Variants in SLC16A6 observed in about 807,000 individuals in gnomAD.
The protein encoded by SLC16A6 is monocarboxylate transporter 7.
Under a neutral mutation model 33.8 loss-of-function variants are expected in SLC16A6, and 15 were observed. That is an observed-to-expected ratio of 0.44 (90% CI 0.30 to 0.68). The LOEUF (loss-of-function observed/expected upper bound fraction) is 0.68. SLC16A6 is among the 30% of genes least tolerant of loss of function. The probability of loss-of-function intolerance (pLI) is 0.10; values close to 1 mark genes in which losing one functional copy is unlikely to be tolerated. For synonymous variants in SLC16A6, 219 were observed against 248.4 expected (o/e 0.88, Z 1.11); for missense variants, 451 against 661.5 (o/e 0.68, Z 3.49).
At chr17:68,274,720 T>C (rs1555750336) in intron 2 of SLC16A6, among the ~76,000 whole-genome samples, 1 of 152,194 alleles carries the variant, frequency 6.6e-6, no homozygotes, top group Non-Finnish European at 1.5e-5. Context: ...ATTTTTTCTC[T>C]ACTCACTACT....
rs1372686704 is a variant in SLC16A6 at position 68,277,756 on chromosome 17, A to C, written c.232+333T>G. Among the ~76,000 whole-genome samples the C allele has an allele frequency of 2.0e-5, 3 of 152,168 alleles. No homozygotes were observed. In the East Asian group the frequency reaches 5.8e-4, roughly 29 times the overall value. On this transcript the variant is annotated intron_variant, in intron 2 of 5. Transcript: ENST00000580666. ...AACTTTTTGATGTTGCTTCTTAGACAGTGACTATATCCTCACATCCTCACA... is the reference window on the plus strand; with the variant it reads ...AACTTTTTGATGTTGCTTCTTAGACCGTGACTATATCCTCACATCCTCACA...
In SLC16A6 at chr17:68,279,037, A is replaced by G. The variant is rs189764297; in HGVS notation, c.-7-710T>C. ...TGGGGCCTCCCAAAAAGAAAGTTAA[A>G]TGGGAAAAACAGACATGAAGAACCA... On this transcript the variant is annotated intron_variant, in intron 1 of 5. Transcript: ENST00000580666. Among the ~76,000 whole-genome samples, 16 of 152,350 alleles carry G rather than the reference A, an allele frequency of 1.1e-4. No homozygotes were observed. In the East Asian group the frequency reaches 3.1e-3, roughly 29 times the overall value.
chr17:68,269,118 T>C lies in SLC16A6; in HGVS notation c.1550A>G (p.His517Arg). 1 of 1,515,098 alleles carries C rather than the reference T, an allele frequency of 6.6e-7. No homozygotes were observed. Among genetic ancestry groups the C allele is most frequent in the African/African-American group, 1.4e-5 (1 of 70,808 alleles). 93.9% of individuals were successfully genotyped at this position (1,515,098 alleles called of 1,614,324 possible). Residue 517 changes from histidine (H) to arginine (R), a missense_variant, in exon 6 of 6, where the codon CAC becomes CGC. Around this residue, in one of 2 missense-constraint regions of SLC16A6, gnomAD observed 46 missense variants for 150.8 expected, o/e 0.31. Transcript: ENST00000580666. ...MDLAKNEHRV[H>R]VQMEPV ...GTGTCATACCGGCTCCATTTGCACG[T>C]GAACTCTGTGCTCATTTTTTGCAAG... is the stretch of plus-strand genomic sequence containing the variant.
chr17:68,279,832 A>T lies in SLC16A6; in HGVS notation c.-7-1505T>A, dbSNP rs1024837253. 3.9e-5 allele frequency among the ~76,000 whole-genome samples: 6 copies of T among 152,338 alleles called. No homozygotes were observed. The Middle Eastern group carries it at 0.01, about 259-fold the overall frequency. On this transcript the variant is annotated intron_variant, in intron 1 of 5. Transcript: ENST00000580666. ...CTAACTAAAAATTAATGATATCTAT[A>T]ATAATCAATGAGTCCATGGTCTTCA...
rs1432322301 is a variant in SLC16A6, at chr17:68,267,644, T to C, written c.*1452A>G. On this transcript the variant is annotated 3_prime_UTR_variant, in exon 6 of 6. Coordinates refer to ENST00000580666, the MANE Select transcript of SLC16A6 (RefSeq NM_004694.5). ...ATTGACCATCACCTGCAGGGTGAGA[T>C]TGTGGTAAAATAGGTGAGTAAAAAG... The C allele has an allele frequency of 9.2e-5, 14 of 152,150 alleles. No homozygotes were observed. Among genetic ancestry groups the C allele is most frequent in the Non-Finnish European group, 1.8e-4 (12 of 68,032 alleles). The allele number at this position is 152,150 out of a possible 1,614,324, so 9.4% of individuals were successfully genotyped here. A position where few individuals can be genotyped will look rare whatever the true frequency, so the allele number is the denominator to read the frequency against.
chr17:68,289,067 C>T (rs1217031222), intron 1 of SLC16A6, among the ~76,000 whole-genome samples: 1 of 152,046 alleles, frequency 6.6e-6, no homozygotes, highest in Non-Finnish European at 1.5e-5. Flanking sequence ...GAGTATTGGC[C>T]GGGTGCGGTA....
chr17:68,282,492 TAAAAAA>T (rs61418415), intron 1 of SLC16A6, among the ~76,000 whole-genome samples: 38 of 145,318 alleles, frequency 2.6e-4, no homozygotes, highest in African/African-American at 9.3e-4. Flanking sequence ...CCCTAGAACT[TAAAAAA>T]AAAAAAAACT....
In SLC16A6 at chr17:68,278,443, ATATTTATT is replaced by A. The variant is rs533229022; in HGVS notation, c.-7-124_-7-117del. ...CTTACCCCATTTCTTAAGTTGTTGA[ATATTTATT>A]TATTTATTTATTTATTGAGATGGAG... is the stretch of plus-strand genomic sequence containing the variant. On this transcript the variant is annotated intron_variant, in intron 1 of 5. Transcript: ENST00000580666. 65 of 638,040 alleles carry A rather than the reference ATATTTATT, an allele frequency of 1.0e-4. No homozygotes were observed. The African/African-American group carries it at 1.1e-3, about 11-fold the overall frequency. The allele number at this position is 638,040 out of a possible 1,614,324, so 39.5% of individuals were successfully genotyped here.
Position 68,271,270 on chromosome 17 carries a change from T to A in SLC16A6, c.890A>T (p.Tyr297Phe). 6.2e-7 allele frequency: 1 copy of A among 1,614,186 alleles called. No individual in the cohort carries two copies. Among genetic ancestry groups the A allele is most frequent in the Non-Finnish European group, 8.5e-7 (1 of 1,180,028 alleles). The change falls in exon 5 of 6, where the codon TAT (tyrosine) becomes TTT (phenylalanine). Residue 297 changes from tyrosine (Y) to phenylalanine (F), a missense_variant. This residue lies in a region of SLC16A6 where 405 missense variants were observed against 510.7 expected (regional missense o/e 0.79). Transcript: ENST00000580666. The surrounding 1 kb of genome is among the most constrained non-coding windows in gnomAD (Gnocchi z 5.3). ...SILKEKSFIC[Y>F]ALFGLFATLG... ...TGTTGCAAAGAGACCAAATAATGCA[T>A]AACAAATAAAACTTTTCTCTTTCAA...
rs782682614 is a variant in SLC16A6 at position 68,271,461 on chromosome 17, G to A, written c.699C>T (p.Thr233=). 3 of 1,614,128 alleles carry A rather than the reference G, an allele frequency of 1.9e-6. No individual in the cohort carries two copies. Among genetic ancestry groups the A allele is most frequent in the Non-Finnish European group, 2.5e-6 (3 of 1,180,028 alleles). The change falls in exon 5 of 6, where the codon ACC becomes ACT. Residue 233 remains threonine (T), a synonymous_variant. Transcript: ENST00000580666. The surrounding 1 kb of genome is among the most constrained non-coding windows in gnomAD (Gnocchi z 5.3). ...CTCCTGAGTCAATGGAGTCTATTGA[G>A]GTTCGTGTTTTCTCATTTTCAAGCA... ...QYMLENEKTR[T]SIDSIDSGVE...
Position 68,271,176 on chromosome 17 carries a change from G to A in SLC16A6, c.984C>T (p.Arg328=), listed in dbSNP as rs1555748490. 3 of 1,614,010 alleles carry A rather than the reference G, an allele frequency of 1.9e-6. No homozygotes were observed. Among genetic ancestry groups the A allele is most frequent in the East Asian group, 2.2e-5 (1 of 44,886 alleles). ...LGISLGIDQD[R]AAFLLSTMAI... Reference sequence around the variant, plus strand: ...CCATCGTAGATAATAAAAAAGCAGCGCGGTCCTGGTCAATGCCCAGACTAA... The same window carrying A: ...CCATCGTAGATAATAAAAAAGCAGCACGGTCCTGGTCAATGCCCAGACTAA... Residue 328 remains arginine (R), a synonymous_variant, in exon 5 of 6, where the codon CGC becomes CGT. Coordinates refer to ENST00000580666, the MANE Select transcript of SLC16A6 (RefSeq NM_004694.5). The surrounding 1 kb of genome is among the most constrained non-coding windows in gnomAD (Gnocchi z 5.3).
intron 1 of SLC16A6, among the ~76,000 whole-genome samples, chr17:68,281,714 G>A (rs1195446491): frequency 2.0e-5 from 3 of 152,084 alleles, no homozygotes; most frequent in African/African-American, 7.2e-5. Flanking sequence ...CCACAGTGAG[G>A]TATCATCTTA....
Position 68,271,247 on chromosome 17 carries a change from T to C in SLC16A6, c.913A>G (p.Thr305Ala), listed in dbSNP as rs1418064922. 1.2e-6 allele frequency: 2 copies of C among 1,614,216 alleles called. No homozygotes were observed. The highest frequency in any genetic ancestry group is 1.7e-6 in the Non-Finnish European group (2 of 1,180,054). Residue 305 changes from threonine to alanine, a missense_variant, in exon 5 of 6, where the codon ACA (threonine) becomes GCA (alanine). Around this residue, in one of 2 missense-constraint regions of SLC16A6, gnomAD observed 405 missense variants for 510.7 expected, o/e 0.79. Transcript: ENST00000580666. This position sits in a 1 kb window ranked among gnomAD's most constrained non-coding sequence, Gnocchi z 5.3. ...AAGGAAGGTGCAAAGAATCCCAGTG[T>C]TGCAAAGAGACCAAATAATGCATAA... ...ICYALFGLFA[T>A]LGFFAPSLYI... is the part of the protein sequence containing the mutation.
chr17:68,290,879 C>A (rs1387218947), intron 1 of SLC16A6, among the ~76,000 whole-genome samples: 1 of 150,938 alleles, frequency 6.6e-6, no homozygotes, highest in Non-Finnish European at 1.5e-5. Context: ...GCTACCCACA[C>A]CGGCGCGAGC....
intron 1 of SLC16A6, among the ~76,000 whole-genome samples, chr17:68,285,014 A>C (rs961066450): frequency 2.0e-5 from 3 of 152,222 alleles, no homozygotes; most frequent in Admixed American, 6.5e-5. Context: ...CCTCGCTTTC[A>C]CTATAGGGGC....
chr17:68,272,309 T>C (rs181943805), intron 4 of SLC16A6, among the ~76,000 whole-genome samples: 11 of 152,314 alleles, frequency 7.2e-5, no homozygotes, highest in African/African-American at 2.2e-4. Context: ...TAAATCCACA[T>C]TGAATGTAGC....
In SLC16A6 at chr17:68,271,674, A is replaced by G. The variant is rs782661111; in HGVS notation, c.506-20T>C. 1 of 1,595,928 alleles carries G rather than the reference A, an allele frequency of 6.3e-7. No homozygotes were observed. Among genetic ancestry groups the G allele is most frequent in the Non-Finnish European group, 8.6e-7 (1 of 1,166,660 alleles). Reference sequence around the variant, plus strand: ...TGATTGCTTGAATAGGCAGGAGTGAAGAAGAAATAATATAAGGTCAATAAT... The same window carrying G: ...TGATTGCTTGAATAGGCAGGAGTGAGGAAGAAATAATATAAGGTCAATAAT... On this transcript the variant is annotated intron_variant, in intron 4 of 5. Coordinates refer to ENST00000580666, the MANE Select transcript of SLC16A6 (RefSeq NM_004694.5). This position sits in a 1 kb window ranked among gnomAD's most constrained non-coding sequence, Gnocchi z 5.3.
In SLC16A6 at chr17:68,274,129, TA is replaced by T. The variant is rs1317764815; in HGVS notation, c.233-60del. 1.2e-4 allele frequency: 180 copies of T among 1,563,602 alleles called. 1 individual carries two copies. In the African/African-American group the frequency reaches 2.2e-3, roughly 19 times the overall value. On this transcript the variant is annotated intron_variant, in intron 2 of 5. Coordinates refer to ENST00000580666, the MANE Select transcript of SLC16A6 (RefSeq NM_004694.5). Reference sequence around the variant, plus strand: ...ACAGAGGCTTCAGGGTTAGCTGCCATAAGACTCCTTCCTCCACGTCTTGCAC... The same window carrying T: ...ACAGAGGCTTCAGGGTTAGCTGCCATAGACTCCTTCCTCCACGTCTTGCAC...
intron 1 of SLC16A6, 123 bp from the exon 2 acceptor site, chr17:68,278,450 T>C (rs2145064234): frequency 1.6e-6 from 1 of 614,592 alleles, no homozygotes; most frequent in Non-Finnish European, 2.8e-6. Flanking sequence ...TGAATATTTA[T>C]TTATTTATTT....
Sources: allele counts gnomAD v4.1 joint callset (sites outside exome capture counted in the v4.1 genomes callset), GRCh38; gene constraint gnomAD v4.1.1; regional missense constraint gnomAD v4.1.1; non-coding constraint Gnocchi (gnomAD v3.1); transcripts MANE v1.5; gene names NCBI Gene and HGNC (gene_info 2026-07-23, HGNC 2026-07-21).